Variants in PRELID2 observed in about 807,000 individuals in gnomAD.
The protein encoded by PRELID2 is PRELI domain-containing protein 2.
PRELID2 carries 25 observed loss-of-function variants against 28.4 expected under a neutral mutation model. The ratio of observed to expected loss-of-function variants is 0.88; its 90% CI spans 0.64 to 1.23. The LOEUF is 1.23. PRELID2 is among the 50% of genes most tolerant of loss of function. The probability of loss-of-function intolerance (pLI) is 0.00; values close to 1 mark genes in which losing one functional copy is unlikely to be tolerated. For synonymous variants in PRELID2, 76 were observed against 71.6 expected (o/e 1.06, Z -0.31); for missense variants, 201 against 214.4 (o/e 0.94, Z 0.39).
At chr5:145,756,226 C>G (rs1757252159), downstream of PRELID2, among the ~76,000 whole-genome samples, 1 of 152,152 alleles carries the variant, frequency 6.6e-6, no homozygotes, top group African/African-American at 2.4e-5. Context: ...ATCGTATGGT[C>G]AGGATAACAC....
the PRELID2 span, among the ~76,000 whole-genome samples, chr5:145,276,776 T>C: frequency 6.6e-6 from 1 of 152,112 alleles, no homozygotes; most frequent in Admixed American, 6.6e-5. Context: ...TCCTGTTGAA[T>C]GCAATGATAG....
chr5:145,667,661 C>T (rs2149681078), intron 1 of PRELID2, among the ~76,000 whole-genome samples: 1 of 152,138 alleles, frequency 6.6e-6, no homozygotes. Context: ...GGGAGTAAGA[C>T]AGGTCTAGGA....
chr5:145,590,657 T>G (rs1753214248), intron 1 of PRELID2, among the ~76,000 whole-genome samples: 1 of 152,230 alleles, frequency 6.6e-6, no homozygotes, highest in Non-Finnish European at 1.5e-5. Flanking sequence ...CTAAAATGCA[T>G]CTTAGTATTT....
intron 4 of PRELID2, among the ~76,000 whole-genome samples, chr5:145,812,569 A>T (rs996281660): frequency 6.6e-6 from 1 of 152,230 alleles, no homozygotes; most frequent in African/African-American, 2.4e-5. Context: ...ACACACACAC[A>T]TATACATACA....
intron 1 of PRELID2, among the ~76,000 whole-genome samples, chr5:145,563,111 C>A (rs2126695037): frequency 6.6e-6 from 1 of 152,338 alleles, no homozygotes; most frequent in African/African-American, 2.4e-5. Flanking sequence ...CCACGCTTGG[C>A]CAATGATCTT....
At chr5:145,434,633 G>C in the PRELID2 span, among the ~76,000 whole-genome samples, 1 of 152,138 alleles carries the variant, frequency 6.6e-6, no homozygotes, top group African/African-American at 2.4e-5. Flanking sequence ...CAATGAAAGA[G>C]TCATGGCCAT....
intron 1 of PRELID2, among the ~76,000 whole-genome samples, chr5:145,642,907 T>C (rs1302911198): frequency 1.3e-5 from 2 of 152,242 alleles, no homozygotes; most frequent in African/African-American, 2.4e-5. Flanking sequence ...CATGCTGTTT[T>C]GGTTACTATA....
chr5:145,662,577 A>T (rs555575805), intron 1 of PRELID2, among the ~76,000 whole-genome samples: 1 of 152,112 alleles, frequency 6.6e-6, no homozygotes, highest in Non-Finnish European at 1.5e-5. Flanking sequence ...TGAAGAGGCA[A>T]TTGGATCATG....
intron 1 of PRELID2, among the ~76,000 whole-genome samples, chr5:145,473,984 G>T (rs981662948): frequency 6.6e-6 from 1 of 152,178 alleles, no homozygotes. Context: ...TGTGGAAGCC[G>T]CCTTAGTTAG....
chr5:145,372,491 G>A, the PRELID2 span, among the ~76,000 whole-genome samples: 27 of 151,940 alleles, frequency 1.8e-4, no homozygotes, highest in African/African-American at 5.6e-4. Flanking sequence ...AAGTCTCTTC[G>A]TAGGTCTCTA....
chr5:145,352,238 C>T, the PRELID2 span, among the ~76,000 whole-genome samples: 3 of 152,316 alleles, frequency 2.0e-5, no homozygotes, highest in South Asian at 6.2e-4. Flanking sequence ...AGGGCCTCAC[C>T]TCTGCAGGAA....
intron 4 of PRELID2, 130 bp downstream of exon 4, chr5:145,817,764 A>G (rs1754472318): frequency 1.3e-6 from 1 of 791,704 alleles, no homozygotes; most frequent in African/African-American, 1.8e-5. Context: ...GTGATTAAAA[A>G]ATTAATAATG....
At chr5:145,229,245 C>G in the PRELID2 span, 1 of 770,394 alleles carries the variant, frequency 1.3e-6, no homozygotes, top group Non-Finnish European at 2.4e-6. Flanking sequence ...CCCTGGAGGG[C>G]TCCCTGGAGG....
chr5:145,288,895 C>T, the PRELID2 span, among the ~76,000 whole-genome samples: 1 of 152,232 alleles, frequency 6.6e-6, no homozygotes, highest in African/African-American at 2.4e-5. Context: ...ATTTTTCCAT[C>T]AGGGTACATG....
At chr5:145,621,276 A>G (rs759498242) in intron 1 of PRELID2, among the ~76,000 whole-genome samples, 2 of 152,138 alleles carry the variant, frequency 1.3e-5, no homozygotes, top group Non-Finnish European at 2.9e-5. Context: ...AATAACAACA[A>G]CAGCAAATCC....
intron 1 of PRELID2, among the ~76,000 whole-genome samples, chr5:145,566,857 A>AAAG (rs1554076562): frequency 6.7e-6 from 1 of 149,666 alleles, no homozygotes; most frequent in African/African-American, 2.5e-5. Flanking sequence ...AAAAAAAAAA[A>AAAG]AGAGAGAGCA....
chr5:145,711,958 TACAAAAC>T, intron 1 of PRELID2, among the ~76,000 whole-genome samples: 1 of 152,156 alleles, frequency 6.6e-6, no homozygotes. Flanking sequence ...GTAGCTGCAC[TACAAAAC>T]ACAAAGGTAT....
chr5:145,695,367 C>T lies in PRELID2; in HGVS notation n.70+69564G>A, dbSNP rs116579740. The stretch of plus-strand genomic sequence containing the variant: ...GGTGCATTCAAAGCCCTGAAGGAGG[C>T]CTGAATGACTAGAGGCTAGTGGACT... On this transcript the variant is annotated intron_variant and non_coding_transcript_variant, in intron 1 of 2. Transcript: ENST00000510259. Among the ~76,000 whole-genome samples the T allele has an allele frequency of 7.7e-3, 1,169 of 152,274 alleles. 14 individuals carry two copies. The highest frequency in any genetic ancestry group is 0.026 in the African/African-American group (1,064 of 41,550).
At chr5:145,361,208 GTGTTTAAAAATGCAAC>G in the PRELID2 span, among the ~76,000 whole-genome samples, 1 of 152,142 alleles carries the variant, frequency 6.6e-6, no homozygotes, top group Non-Finnish European at 1.5e-5. Context: ...CTAAAAGCTG[GTGTTTAAAAATGCAAC>G]TGTTTTCTGA....
Sources: gnomAD v4.1 joint callset for allele counts (sites outside exome capture counted in the v4.1 genomes callset) on GRCh38, gnomAD v4.1.1 for gene constraint, MANE v1.5 for transcripts, NCBI Gene and HGNC (gene_info 2026-07-23, HGNC 2026-07-21) for gene names.